The following TPR variants were observed in gnomAD, a reference collection of about 807,000 sequenced individuals.
The protein encoded by TPR is nucleoprotein TPR.
Under a neutral mutation model 316.1 loss-of-function variants are expected in TPR, and 51 were observed. The ratio of observed to expected loss-of-function variants is 0.16; its 90% CI spans 0.13 to 0.20. The LOEUF is 0.20. TPR is among the 10% of genes least tolerant of loss of function. The probability of loss-of-function intolerance (pLI) is 1.00; values close to 1 mark genes in which losing one functional copy is unlikely to be tolerated. For synonymous variants in TPR, 981 were observed against 914.7 expected (o/e 1.07, Z -1.31); for missense variants, 2,272 against 2,754.8 (o/e 0.82, Z 3.92).
chr1:186,356,846 C>G (rs1372044809), intron 14 of TPR, among the ~76,000 whole-genome samples: 1 of 152,166 alleles, frequency 6.6e-6, no homozygotes, highest in East Asian at 1.9e-4. Flanking sequence ...TAGGACAAGT[C>G]CTCTACCGCT....
chr1:186,333,191 T>C lies in TPR; in HGVS notation c.5386A>G (p.Asn1796Asp), dbSNP rs757140699. The stretch of plus-strand genomic sequence containing the variant: ...GAACTCTGAACAACCTCTACTATGT[T>C]TGAAGATAACTCTTGATTGGCAGGC... ...IEPANQELSS[N>D]IVEVVQSSPV... Residue 1796 changes from asparagine (N) to aspartate (D), a missense_variant, in exon 37 of 51, where the codon AAC becomes GAC. By Grantham distance (23) the Asn-to-Asp change is conservative. Around this residue, in one of 10 missense-constraint regions of TPR, gnomAD observed 435 missense variants for 461.1 expected, o/e 0.94. Transcript: ENST00000367478. The C allele has an allele frequency of 2.5e-6, 4 of 1,613,476 alleles. No individual in the cohort carries two copies. The highest frequency in any genetic ancestry group is 2.5e-6 in the Non-Finnish European group (3 of 1,179,686).
Position 186,333,332 on chromosome 1 carries a change from G to T in TPR, c.5245C>A (p.Arg1749Ser). The change falls in exon 37 of 51, where the codon CGT becomes AGT. Residue 1749 changes from arginine (R) to serine (S), a missense_variant. Arg to Ser is a moderately radical substitution (Grantham distance 110, BLOSUM62 -1). This residue lies in a region of TPR where 435 missense variants were observed against 461.1 expected (regional missense o/e 0.94). Transcript: ENST00000367478. ...GGCTGGACATTAGGACTAGTAGAAC[G>T]AACGGATCCACTTGTGCTTCCAAAA... The part of the protein sequence containing the change: ...PVFGSTSGSV[R>S]STSPNVQPSI... The T allele has an allele frequency of 6.2e-7, 1 of 1,613,600 alleles. No homozygotes were observed. The highest frequency in any genetic ancestry group is 8.5e-7 in the Non-Finnish European group (1 of 1,179,698).
rs771654669 is a variant in TPR at position 186,312,289 on chromosome 1, G to A, written c.*1682C>T. ...GAAACGACACAGGTTAGGAGACGTC[G>A]CTTTGAACGTGCTATAGGACCTTCT... On this transcript the variant is annotated 3_prime_UTR_variant, in exon 51 of 51. Transcript: ENST00000367478. 17 of 1,613,762 alleles carry A rather than the reference G, an allele frequency of 1.1e-5. No individual in the cohort carries two copies. The highest frequency in any genetic ancestry group is 4.4e-5 in the South Asian group (4 of 90,992).
intron 13 of TPR, 47 bp downstream of exon 13, chr1:186,358,496 G>A (rs748727788): frequency 2.1e-6 from 3 of 1,414,962 alleles, no homozygotes; most frequent in Non-Finnish European, 3.0e-6. Flanking sequence ...AAGATTACTG[G>A]GCAGTCAGGT....
intron 12 of TPR, 43 bp from the exon 13 acceptor site, chr1:186,358,693 A>G: frequency 6.5e-7 from 1 of 1,532,682 alleles, no homozygotes; most frequent in Non-Finnish European, 9.0e-7. Context: ...ACTTCCTTCT[A>G]GGATTTATAC....
intron 12 of TPR, 104 bp downstream of exon 12, chr1:186,359,695 T>C (rs1261784901): frequency 7.8e-6 from 9 of 1,149,962 alleles, no homozygotes; most frequent in Admixed American, 3.3e-5. Context: ...TTGAAAATCG[T>C]ATTTAGATTT....
chr1:186,371,157 A>G lies in TPR; in HGVS notation c.257-114T>C, dbSNP rs895637182. ...AATAAATGAAAAAACAGAAGCCCAG[A>G]AAGACTGCATTGTACATCACATTCC... On this transcript the variant is annotated intron_variant, in intron 2 of 50. Coordinates refer to ENST00000367478, the MANE Select transcript of TPR (RefSeq NM_003292.3). 6 of 824,316 alleles carry G rather than the reference A, an allele frequency of 7.3e-6. No homozygotes were observed. In the African/African-American group the frequency reaches 1.0e-4, roughly 14 times the overall value. The allele number at this position is 824,316 out of a possible 1,614,324, so 51.1% of individuals were successfully genotyped here.
At chr1:186,362,171 A>C (rs1659212706) in intron 7 of TPR, 117 bp downstream of exon 7, 1 of 759,896 alleles carries the variant, frequency 1.3e-6, no homozygotes. Context: ...TGGAAGGAGG[A>C]CTCTCACTGT....
chr1:186,326,473 T>C (rs1454950591), intron 40 of TPR, among the ~76,000 whole-genome samples: 1 of 152,086 alleles, frequency 6.6e-6, no homozygotes, highest in African/African-American at 2.4e-5. Flanking sequence ...TGCTCAAAGA[T>C]AATATAGACC....
At chr1:186,355,999 TTA>T (rs1402588053) in intron 15 of TPR, among the ~76,000 whole-genome samples, 1 of 152,216 alleles carries the variant, frequency 6.6e-6, no homozygotes, top group Non-Finnish European at 1.5e-5. Flanking sequence ...TAATCCATAT[TTA>T]TGTTTTATTA....
At chr1:186,374,200 T>C (rs1659620202) in intron 1 of TPR, among the ~76,000 whole-genome samples, 1 of 152,188 alleles carries the variant, frequency 6.6e-6, no homozygotes, top group South Asian at 2.1e-4. Flanking sequence ...TTACTAATGG[T>C]AATGACTATA....
intron 48 of TPR, 50 bp from the exon 49 acceptor site, chr1:186,317,650 A>T: frequency 1.3e-6 from 2 of 1,513,896 alleles, no homozygotes; most frequent in Non-Finnish European, 9.1e-7. Flanking sequence ...ACAGTCAATC[A>T]TAAATTATAT....
intron 50 of TPR, 146 bp from the exon 51 acceptor site, chr1:186,314,172 A>G (rs1183470101): frequency 3.1e-6 from 2 of 654,520 alleles, no homozygotes; most frequent in Non-Finnish European, 5.1e-6. Context: ...GGAAATTATT[A>G]CAAGCAGATT....
At chr1:186,314,816 T>C (rs1433209528) in intron 49 of TPR, 92 bp from the exon 50 acceptor site, 14 of 734,156 alleles carry the variant, frequency 1.9e-5, no homozygotes, top group Non-Finnish European at 3.1e-5. Context: ...AATGAATGAA[T>C]AAGATGTAGA....
chr1:186,334,293 C>T, intron 36 of TPR, 32 bp downstream of exon 36: 1 of 1,538,206 alleles, frequency 6.5e-7, no homozygotes, highest in Non-Finnish European at 8.9e-7. Context: ...TCTAAATAAG[C>T]AGTCTCATCA....
Position 186,317,607 on chromosome 1 carries a change from A to G in TPR, c.6822-7T>C. ...GCCTGCTTCTGAACTAATACTAAGG[A>G]AAAGAAAAATGAGAAAATACAAAAC... is the stretch of plus-strand genomic sequence containing the variant. On this transcript the variant is annotated splice_region_variant and splice_polypyrimidine_tract_variant and intron_variant, in intron 48 of 50. Coordinates refer to ENST00000367478, the MANE Select transcript of TPR (RefSeq NM_003292.3). The G allele has an allele frequency of 6.2e-7, 1 of 1,611,600 alleles. No individual in the cohort carries two copies. Among genetic ancestry groups the G allele is most frequent in the Admixed American group, 1.7e-5 (1 of 59,870 alleles).
intron 21 of TPR, among the ~76,000 whole-genome samples, chr1:186,349,052 G>T (rs1210113758): frequency 1.3e-5 from 2 of 152,078 alleles, no homozygotes; most frequent in African/African-American, 4.8e-5. Flanking sequence ...ATCATAATTT[G>T]AAACTATCAT....
chr1:186,365,488 A>G (rs112063088), intron 4 of TPR, among the ~76,000 whole-genome samples: 2,933 of 152,274 alleles, frequency 0.019, 102 homozygotes, highest in African/African-American at 0.068. Context: ...AAAGCAGTCT[A>G]CTTGCTCCCA....
At chr1:186,353,161 A>G (rs1658916354) in intron 18 of TPR, among the ~76,000 whole-genome samples, 1 of 152,164 alleles carries the variant, frequency 6.6e-6, no homozygotes. Context: ...TCACGAGGTC[A>G]GTAGATCGAG....
Sources: allele counts gnomAD v4.1 joint callset (sites outside exome capture counted in the v4.1 genomes callset), GRCh38; gene constraint gnomAD v4.1.1; regional missense constraint gnomAD v4.1.1; transcripts MANE v1.5; gene names NCBI Gene and HGNC (gene_info 2026-07-23, HGNC 2026-07-21).